Variants in PTPRJ observed in about 807,000 individuals in gnomAD.
PTPRJ encodes the protein receptor-type tyrosine-protein phosphatase eta.
A neutral mutation model predicts 141.3 loss-of-function variants in PTPRJ; 129 were observed. The observed-to-expected ratio is 0.91, with a 90% CI of 0.79 to 1.06. The LOEUF (loss-of-function observed/expected upper bound fraction) is 1.06. Among genes scored for constraint, PTPRJ ranks in the 50% least tolerant of loss-of-function variants. The pLI, the probability that PTPRJ is intolerant of heterozygous loss-of-function variation, is 0.00. For synonymous variants in PTPRJ, 610 were observed against 640.5 expected, an observed-to-expected ratio of 0.95 and a Z score of 0.72; for missense variants, 1,601 against 1,679.7, an observed-to-expected ratio of 0.95 and a Z score of 0.82.
At chr11:48,048,026 C>T (rs1193759936) in intron 1 of PTPRJ, among the ~76,000 whole-genome samples, 1 of 152,160 alleles carries the variant, frequency 6.6e-6, no homozygotes, top group East Asian at 1.9e-4. Context: ...TGTTTGAGGC[C>T]CCTGAACATG....
intron 1 of PTPRJ, among the ~76,000 whole-genome samples, chr11:48,049,714 C>CAAAA (rs397713247): frequency 3.9e-5 from 2 of 50,638 alleles, no homozygotes; most frequent in Non-Finnish European, 8.3e-5. Context: ...AACTCTGTCT[C>CAAAA]AAAAAAAAAA....
chr11:48,035,836 A>G (rs1854111658), intron 1 of PTPRJ, among the ~76,000 whole-genome samples: 1 of 152,038 alleles, frequency 6.6e-6, no homozygotes, highest in South Asian at 2.1e-4. Flanking sequence ...GAGTAAGCCT[A>G]TTGCTTTCTT....
rs1345891681 is a variant in PTPRJ, at chr11:48,145,028, A to G, written c.2815A>G (p.Thr939Ala). 9 of 1,613,964 alleles carry G rather than the reference A, an allele frequency of 5.6e-6. No individual in the cohort carries two copies. The highest frequency in any genetic ancestry group is 7.6e-6 in the Non-Finnish European group (9 of 1,180,006). ...RACVAGFTNI[T>A]FHPQNKGLID... ...TTGTGTGGCTGGCTTCACCAACATT[A>G]CCTTCCACCCTCAAAACAAGGGGCT... Residue 939 changes from threonine (T) to alanine (A), a missense_variant, in exon 14 of 25, where the codon ACC becomes GCC. Transcript: ENST00000418331.
intron 8 of PTPRJ, 72 bp downstream of exon 8, chr11:48,130,788 G>A (rs1433444606): frequency 2.9e-6 from 4 of 1,386,134 alleles, no homozygotes; most frequent in South Asian, 1.7e-5. Context: ...TAAACATAAT[G>A]TTTCCAAATA....
rs1857363487 is a variant in PTPRJ, at chr11:48,146,903, G to GT, written c.2940dup (p.Ile981TyrfsTer26). 1 of 1,613,984 alleles carries GT rather than the reference G, an allele frequency of 6.2e-7. No homozygotes were observed. On this transcript the variant is annotated frameshift_variant, in exon 15 of 25. Transcript: ENST00000418331. LOFTEE classifies it high-confidence loss of function. ...GTCATCTGTGGAGCGGTTTTTGGCT[G>GT]TATCTTTGGTGCCCTGGTTATTGTG...
chr11:48,087,459 C>T (rs1272998563), intron 1 of PTPRJ, among the ~76,000 whole-genome samples: 3 of 152,174 alleles, frequency 2.0e-5, no homozygotes, highest in South Asian at 2.1e-4. Context: ...CCTCTGTCAA[C>T]CCTTCACATT....
intron 1 of PTPRJ, among the ~76,000 whole-genome samples, chr11:48,033,557 G>A (rs554428418): frequency 9.9e-5 from 15 of 152,224 alleles, no homozygotes; most frequent in African/African-American, 9.6e-5. Context: ...CTGTATCTGC[G>A]CATAGTGACC....
intron 3 of PTPRJ, among the ~76,000 whole-genome samples, chr11:48,119,394 CTTAT>C (rs1194600655): frequency 6.6e-6 from 1 of 152,026 alleles, no homozygotes; most frequent in Non-Finnish European, 1.5e-5. Context: ...ATTCTCCTGC[CTTAT>C]TTATTTATTT....
At position 48,168,054 on chromosome 11, in the gene PTPRJ, T is replaced by C. The variant is rs7951730; in HGVS notation, c.*692T>C. On this transcript the variant is annotated 3_prime_UTR_variant, in exon 25 of 25. Coordinates refer to ENST00000418331, the MANE Select transcript of PTPRJ (RefSeq NM_002843.4). ...TCAGGGGAGGCCTCTTTGCCCCGAC[T>C]CCGCTTCCCCTGCCCCCTGTACATT... is the stretch of plus-strand genomic sequence containing the variant. The C allele has an allele frequency of 0.98, 149,472 of 152,178 alleles. 73,470 individuals are homozygous for C. The highest frequency in any genetic ancestry group is 1 in the Middle Eastern group (294 of 294). The allele number at this position is 152,178 out of a possible 1,614,324, so 9.4% of individuals were successfully genotyped here. A position where few individuals can be genotyped will look rare whatever the true frequency, so the allele number is the denominator to read the frequency against.
At chr11:48,070,542 A>T (rs1396175092) in intron 1 of PTPRJ, among the ~76,000 whole-genome samples, 1 of 149,856 alleles carries the variant, frequency 6.7e-6, no homozygotes, top group Admixed American at 6.6e-5. Flanking sequence ...TTGGGTTGGG[A>T]CTCAGTAGAT....
At chr11:47,984,061 C>G (rs190831501) in intron 1 of PTPRJ, among the ~76,000 whole-genome samples, 7 of 152,202 alleles carry the variant, frequency 4.6e-5, no homozygotes, top group Admixed American at 3.9e-4. Context: ...ACGGGAAAAC[C>G]AAACGATTAT....
chr11:48,127,814 CATCAGT>C lies in PTPRJ; in HGVS notation c.1129_1134del (p.Ile377_Ser378del), dbSNP rs1161588476. ...AGGTTTTTGACGTCACCGCTGTGAA[CATCAGT>C]GCCACAAGCCTGACCCTGATCTGGA... On this transcript the variant is annotated inframe_deletion, in exon 7 of 25. Transcript: ENST00000418331. 1 of 1,614,214 alleles carries C rather than the reference CATCAGT, an allele frequency of 6.2e-7. No homozygotes were observed. The highest frequency in any genetic ancestry group is 8.5e-7 in the Non-Finnish European group (1 of 1,180,032).
At chr11:48,054,610 G>C (rs1854705302) in intron 1 of PTPRJ, among the ~76,000 whole-genome samples, 1 of 151,960 alleles carries the variant, frequency 6.6e-6, no homozygotes. Flanking sequence ...TGCCCTCTCT[G>C]TGGTCTTGCC....
intron 1 of PTPRJ, among the ~76,000 whole-genome samples, chr11:48,065,863 C>A (rs1422904301): frequency 6.6e-6 from 1 of 152,242 alleles, no homozygotes; most frequent in Admixed American, 6.5e-5. Flanking sequence ...TGAACCCAGG[C>A]AGCTGAACTT....
chr11:48,125,992 G>A (rs1250429918), intron 6 of PTPRJ, among the ~76,000 whole-genome samples: 4 of 152,156 alleles, frequency 2.6e-5, no homozygotes, highest in Admixed American at 6.5e-5. Context: ...GGAGGCTCTC[G>A]GGTGAGGAGG....
At position 47,980,894 on chromosome 11, in the gene PTPRJ, G is replaced by C; in HGVS notation, c.-19G>C. 1.8e-6 allele frequency: 2 copies of C among 1,140,498 alleles called. No individual in the cohort carries two copies. The allele number at this position is 1,140,498 out of a possible 1,614,324, so 70.6% of individuals were successfully genotyped here. On this transcript the variant is annotated 5_prime_UTR_variant, in exon 1 of 25. Transcript: ENST00000418331. ...GGCCCGATTCGCGCGTCCGGGGCAC[G>C]TTCCAGGGCGCGCGGGGCATGAAGC... is the stretch of plus-strand genomic sequence containing the variant.
intron 3 of PTPRJ, 40 bp downstream of exon 3, chr11:48,113,023 A>T (rs1267683852): frequency 6.8e-7 from 1 of 1,473,152 alleles, no homozygotes; most frequent in South Asian, 1.2e-5. Flanking sequence ...TTCTTAAAGG[A>T]AATCGGTAGA....
chr11:48,007,542 A>G (rs1854656844), intron 1 of PTPRJ, among the ~76,000 whole-genome samples: 1 of 152,120 alleles, frequency 6.6e-6, no homozygotes. Flanking sequence ...AGCTGGGATT[A>G]CAAGCATGTG....
Position 48,143,036 on chromosome 11 carries a change from T to C in PTPRJ, c.2561T>C (p.Leu854Pro). 6.2e-7 allele frequency: 1 copy of C among 1,614,114 alleles called. No homozygotes were observed. Among genetic ancestry groups the C allele is most frequent in the Non-Finnish European group, 8.5e-7 (1 of 1,179,988 alleles). ...CCCATCAAAGCCTATGCTGTCATTC[T>C]CACCACCGGGGAAGGTAAGGAGAGG... is the stretch of plus-strand genomic sequence containing the variant. ...HGPIKAYAVI[L>P]TTGEAGHPSA... Residue 854 changes from leucine to proline, a missense_variant, in exon 12 of 25, where the codon CTC becomes CCC. Physicochemically the swap from Leu to Pro is moderately conservative, Grantham distance 98. Coordinates refer to ENST00000418331, the MANE Select transcript of PTPRJ (RefSeq NM_002843.4).
Sources: gnomAD v4.1 joint callset for allele counts (sites outside exome capture counted in the v4.1 genomes callset) on GRCh38, gnomAD v4.1.1 for gene constraint, MANE v1.5 for transcripts, NCBI Gene and HGNC (gene_info 2026-07-23, HGNC 2026-07-21) for gene names.